Variants in POF1B observed in about 807,000 individuals in gnomAD.
POF1B encodes protein POF1B.
Under a neutral mutation model 55.3 loss-of-function variants are expected in POF1B, and 53 were observed. The observed-to-expected ratio is 0.96, with a 90% CI of 0.77 to 1.20. The LOEUF (loss-of-function observed/expected upper bound fraction) is 1.20, where lower values mean the gene tolerates loss of function less well. POF1B is among the 50% of genes most tolerant of loss of function. POF1B has a pLI of 0.00. For synonymous variants in POF1B, 188 were observed against 148.3 expected (o/e 1.27, Z -1.95); for missense variants, 478 against 420.5 (o/e 1.14, Z -1.20).
intron 2 of POF1B, among the ~76,000 whole-genome samples, chrX:85,378,798 GT>G (rs1202575417): frequency 8.9e-6 from 1 of 112,027 alleles, no homozygotes; most frequent in African/African-American, 3.2e-5. Context: ...AAAAAAACCT[GT>G]TTGCTTCTGA....
chrX:85,286,999 C>A lies in POF1B; in HGVS notation c.1650-4682G>T, dbSNP rs140423315. Reference sequence around the variant, plus strand: ...ACCAAAAAATTTAAATCTAAAAAACCTGTAGATCCAAGTACAAATTAAAAG... The same window carrying A: ...ACCAAAAAATTTAAATCTAAAAAACATGTAGATCCAAGTACAAATTAAAAG... On this transcript the variant is annotated intron_variant, in intron 15 of 16. Coordinates refer to ENST00000262753, the MANE Select transcript of POF1B (RefSeq NM_024921.4). 2.1e-4 allele frequency among the ~76,000 whole-genome samples: 23 copies of A among 111,107 alleles called. No individual in the cohort carries two copies. The East Asian group carries it at 6.0e-3, about 29-fold the overall frequency.
At chrX:85,359,753 T>A (rs1180471136) in intron 3 of POF1B, 123 bp from the exon 4 acceptor site, 2 of 448,729 alleles carry the variant, frequency 4.5e-6, no homozygotes, top group East Asian at 7.7e-5. Flanking sequence ...TGATAATGTA[T>A]GATTTTATGA....
At chrX:85,354,462 A>T (rs1485097369) in intron 4 of POF1B, among the ~76,000 whole-genome samples, 1 of 110,474 alleles carries the variant, frequency 9.1e-6, no homozygotes, top group East Asian at 2.9e-4. Flanking sequence ...AATTTAGCAA[A>T]AGCATGAAAT....
chrX:85,379,091 G>C (rs1325071263), intron 2 of POF1B, 82 bp downstream of exon 2: 3 of 1,056,366 alleles, frequency 2.8e-6, no homozygotes, highest in Non-Finnish European at 3.9e-6. Context: ...CTGTGGAATA[G>C]AGGCAAAGAA....
intron 7 of POF1B, among the ~76,000 whole-genome samples, chrX:85,330,606 T>C (rs996344544): frequency 1.8e-5 from 2 of 111,452 alleles, no homozygotes; most frequent in Non-Finnish European, 3.8e-5. Flanking sequence ...TTGTTTTTTG[T>C]CTGATGATTT....
chrX:85,369,714 TC>T (rs1456957433), intron 2 of POF1B, among the ~76,000 whole-genome samples: 4 of 111,961 alleles, frequency 3.6e-5, no homozygotes, highest in Non-Finnish European at 5.6e-5. Flanking sequence ...GCAATGAGCA[TC>T]CTTGTGCAAC....
chrX:85,322,107 G>T (rs1459467496), intron 7 of POF1B, among the ~76,000 whole-genome samples: 22 of 110,717 alleles, frequency 2.0e-4, no homozygotes, highest in East Asian at 1.1e-3. Flanking sequence ...AAAGTTCATA[G>T]GGAACCAAAA....
At chrX:85,284,446 A>C (rs1312101717) in intron 15 of POF1B, among the ~76,000 whole-genome samples, 2 of 112,136 alleles carry the variant, frequency 1.8e-5, no homozygotes, top group Non-Finnish European at 3.8e-5. Flanking sequence ...TGGTACTGGT[A>C]CCAAAACAGA....
intron 7 of POF1B, among the ~76,000 whole-genome samples, chrX:85,322,889 A>T (rs1426786178): frequency 7.9e-4 from 88 of 111,275 alleles, no homozygotes; most frequent in Non-Finnish European, 8.1e-4. Context: ...TCAAAACCAC[A>T]ATGAGATACC....
intron 7 of POF1B, among the ~76,000 whole-genome samples, chrX:85,321,435 A>C (rs1486630239): frequency 8.2e-5 from 9 of 110,151 alleles, no homozygotes; most frequent in Admixed American, 1.9e-4. Context: ...TATTGATGGG[A>C]CGTATCTCAA....
chrX:85,324,564 G>A (rs1377548809), intron 7 of POF1B, among the ~76,000 whole-genome samples: 2 of 111,068 alleles, frequency 1.8e-5, no homozygotes, highest in African/African-American at 6.6e-5. Flanking sequence ...TTGCTTGGTC[G>A]ATTTTTCTCC....
intron 6 of POF1B, among the ~76,000 whole-genome samples, chrX:85,344,081 T>C (rs1478153035): frequency 9.0e-6 from 1 of 111,144 alleles, no homozygotes; most frequent in Non-Finnish European, 1.9e-5. Flanking sequence ...CTCAGCAACC[T>C]TCACTCACCC....
At chrX:85,343,204 T>A (rs866617422) in intron 6 of POF1B, among the ~76,000 whole-genome samples, 1 of 108,579 alleles carries the variant, frequency 9.2e-6, no homozygotes, top group Non-Finnish European at 1.9e-5. Context: ...AAAGAGATTA[T>A]CTAAAATGGA....
At chrX:85,323,626 A>T (rs1162963085) in intron 7 of POF1B, among the ~76,000 whole-genome samples, 1 of 110,540 alleles carries the variant, frequency 9.0e-6, no homozygotes, top group Non-Finnish European at 1.9e-5. Flanking sequence ...AAAAATAAAA[A>T]AAAATGTCTA....
chrX:85,331,000 T>A lies in POF1B; in HGVS notation c.803A>T (p.Asn268Ile). The change falls in exon 7 of 17, where the codon AAT (asparagine) becomes ATT (isoleucine). Residue 268 changes from asparagine to isoleucine, a missense_variant. Coordinates refer to ENST00000262753, the MANE Select transcript of POF1B (RefSeq NM_024921.4). ...GELLADLSRKNTDLYHCLLEH... is the reference protein window; with the variant it reads ...GELLADLSRKITDLYHCLLEH... ...TAATAAGCAGTGATATAGATCCGTA[T>A]TCTTACGGCTCAGATCAGCAAGCAA... The A allele has an allele frequency of 3.3e-6, 4 of 1,204,596 alleles. No individual in the cohort carries two copies. Among genetic ancestry groups the A allele is most frequent in the Non-Finnish European group, 4.5e-6 (4 of 891,073 alleles).
At chrX:85,330,367 A>G (rs1480744165) in intron 7 of POF1B, among the ~76,000 whole-genome samples, 3 of 111,703 alleles carry the variant, frequency 2.7e-5, no homozygotes, top group East Asian at 2.8e-4. Flanking sequence ...CATATCAAAT[A>G]TATTTTAAAC....
intron 7 of POF1B, among the ~76,000 whole-genome samples, chrX:85,322,366 G>T (rs1476686858): frequency 9.0e-6 from 1 of 111,020 alleles, no homozygotes; most frequent in Non-Finnish European, 1.9e-5. Context: ...TTTAATAAAT[G>T]GTGCTGGGAA....
In POF1B at chrX:85,277,422, T is replaced by C. The variant is rs1931805729; in HGVS notation, c.*1999A>G. On this transcript the variant is annotated 3_prime_UTR_variant, in exon 17 of 17. Transcript: ENST00000262753. ...ATCCATCCACTCAAGTATTTATTTGTGTTACAAACAATCCAATTATACTCT... is the reference window on the plus strand; with the variant it reads ...ATCCATCCACTCAAGTATTTATTTGCGTTACAAACAATCCAATTATACTCT... The C allele has an allele frequency of 9.0e-6, 1 of 111,171 alleles. No homozygotes were observed. The highest frequency in any genetic ancestry group is 3.7e-4 in the South Asian group (1 of 2,708). The allele number at this position is 111,171 out of a possible 1,213,427, so 9.2% of individuals were successfully genotyped here.
intron 6 of POF1B, among the ~76,000 whole-genome samples, chrX:85,344,446 TG>T (rs1309344509): frequency 9.0e-6 from 1 of 111,510 alleles, no homozygotes; most frequent in Non-Finnish European, 1.9e-5. Context: ...CAAAGTGTGT[TG>T]TTTTTTCCTC....
Sources: gnomAD v4.1 joint callset for allele counts (sites outside exome capture counted in the v4.1 genomes callset) on GRCh38, gnomAD v4.1.1 for gene constraint, MANE v1.5 for transcripts, NCBI Gene and HGNC (gene_info 2026-07-23, HGNC 2026-07-21) for gene names.